The following ELFN1 variants were observed in gnomAD, a reference collection of about 807,000 sequenced individuals.
ELFN1 encodes the protein extracellular leucine rich repeat and fibronectin type III domain containing 1.
Under a neutral mutation model 7.6 loss-of-function variants are expected in ELFN1, and 6 were observed. The observed-to-expected ratio is 0.79, with a 90% CI of 0.43 to 1.56. The LOEUF (loss-of-function observed/expected upper bound fraction) is 1.56, where lower values mean the gene tolerates loss of function less well. Among genes scored for constraint, ELFN1 ranks in the 40% most tolerant of loss-of-function variants. The probability of loss-of-function intolerance (pLI) is 0.01; values close to 1 mark genes in which losing one functional copy is unlikely to be tolerated. For synonymous variants in ELFN1, 657 were observed against 588.1 expected, an observed-to-expected ratio of 1.12 and a Z score of -1.70; for missense variants, 1,169 against 1,232.2, an observed-to-expected ratio of 0.95 and a Z score of 0.77.
intron 2 of ELFN1, among the ~76,000 whole-genome samples, chr7:1,706,867 C>G (rs767123160): frequency 1.3e-5 from 2 of 152,228 alleles, no homozygotes; most frequent in Admixed American, 6.5e-5. Flanking sequence ...CAGGCTGTGC[C>G]CGAGGTGGTG....
intron 3 of ELFN1, among the ~76,000 whole-genome samples, chr7:1,734,092 C>G (rs114151555): frequency 0.027 from 4,115 of 152,296 alleles, 202 homozygotes; most frequent in African/African-American, 0.093. Flanking sequence ...CTGAAAGCAA[C>G]TGGAGAGATT....
intron 3 of ELFN1, among the ~76,000 whole-genome samples, chr7:1,743,967 G>A (rs965580988): frequency 2.0e-5 from 3 of 152,162 alleles, no homozygotes; most frequent in Non-Finnish European, 4.4e-5. Flanking sequence ...TGGGCTTCAG[G>A]GACCTCGATT....
intron 2 of ELFN1, chr7:1,693,289 AG>A (rs1219763158): frequency 2.2e-6 from 1 of 454,132 alleles, no homozygotes; most frequent in African/African-American, 2.0e-5. Context: ...GGCTGGGGAA[AG>A]GAACGCCCAT....
upstream of ELFN1, among the ~76,000 whole-genome samples, chr7:1,669,928 G>A (rs1168487747): frequency 6.8e-6 from 1 of 146,410 alleles, no homozygotes; most frequent in Non-Finnish European, 1.5e-5. Flanking sequence ...GGGACGGACC[G>A]CGAGGACGCC....
intron 1 of ELFN1, among the ~76,000 whole-genome samples, chr7:1,672,972 AG>A (rs1267748256): frequency 1.3e-5 from 2 of 152,112 alleles, no homozygotes; most frequent in Non-Finnish European, 2.9e-5. Context: ...GTGACAGGCG[AG>A]AGATAGATAG....
intron 3 of ELFN1, among the ~76,000 whole-genome samples, chr7:1,725,205 C>T (rs530179218): frequency 2.8e-3 from 430 of 152,368 alleles, no homozygotes; most frequent in African/African-American, 9.9e-3. Context: ...TGGCCCACAG[C>T]AGGGGCCAGG....
chr7:1,742,684 C>G (rs1006817531), intron 3 of ELFN1, among the ~76,000 whole-genome samples: 6 of 152,232 alleles, frequency 3.9e-5, no homozygotes, highest in Admixed American at 3.3e-4. Flanking sequence ...CCTGGCCACT[C>G]CAGGCCAAGC....
chr7:1,677,530 G>C (rs558836449), intron 1 of ELFN1, among the ~76,000 whole-genome samples: 1 of 151,512 alleles, frequency 6.6e-6, no homozygotes, highest in Non-Finnish European at 1.5e-5. Context: ...GTGTAGGTTC[G>C]CGGGTGTGTG....
intron 1 of ELFN1, among the ~76,000 whole-genome samples, chr7:1,685,452 T>C (rs1779046195): frequency 1.3e-5 from 2 of 152,188 alleles, no homozygotes; most frequent in South Asian, 4.1e-4. Flanking sequence ...CATATGCTAG[T>C]GCACTTGATG....
chr7:1,718,721 A>T (rs956756581), intron 3 of ELFN1, among the ~76,000 whole-genome samples: 9 of 151,946 alleles, frequency 5.9e-5, no homozygotes, highest in Non-Finnish European at 1.3e-4. Context: ...CCTCGGTCAC[A>T]CTCAAGTTAA....
At chr7:1,688,490 G>A (rs1779098501) in intron 2 of ELFN1, among the ~76,000 whole-genome samples, 1 of 152,058 alleles carries the variant, frequency 6.6e-6, no homozygotes, top group Non-Finnish European at 1.5e-5. Context: ...TAATCCACCT[G>A]TAATTTTTTA....
chr7:1,684,732 C>G (rs555583895), intron 1 of ELFN1, among the ~76,000 whole-genome samples: 2 of 152,176 alleles, frequency 1.3e-5, no homozygotes, highest in South Asian at 4.2e-4. Context: ...AAACTTTACT[C>G]CAACATAGCT....
intron 3 of ELFN1, among the ~76,000 whole-genome samples, chr7:1,728,930 A>G (rs561882848): frequency 6.6e-6 from 1 of 152,190 alleles, no homozygotes; most frequent in African/African-American, 2.4e-5. Flanking sequence ...CCATCATCTC[A>G]TGATGGCTAT....
chr7:1,729,278 C>T (rs1775201073), intron 3 of ELFN1, among the ~76,000 whole-genome samples: 1 of 152,236 alleles, frequency 6.6e-6, no homozygotes, highest in African/African-American at 2.4e-5. Context: ...TGGTGTGAGT[C>T]AGTGATCCTC....
chr7:1,710,665 C>G (rs1779630311), intron 3 of ELFN1, among the ~76,000 whole-genome samples: 1 of 152,228 alleles, frequency 6.6e-6, no homozygotes, highest in African/African-American at 2.4e-5. Flanking sequence ...TAGGTCTCCT[C>G]TAACTCACAG....
chr7:1,700,695 CGGTGGTGA>C (rs1779408396), intron 2 of ELFN1, among the ~76,000 whole-genome samples: 1 of 152,214 alleles, frequency 6.6e-6, no homozygotes, highest in African/African-American at 2.4e-5. Flanking sequence ...TTTCCCAAAG[CGGTGGTGA>C]GGCTTTGCAC....
intron 3 of ELFN1, among the ~76,000 whole-genome samples, chr7:1,720,964 T>G (rs1202398302): frequency 6.6e-6 from 1 of 152,180 alleles, no homozygotes; most frequent in African/African-American, 2.4e-5. Flanking sequence ...CCTTGCACTC[T>G]CTCTGTGCCT....
intron 3 of ELFN1, among the ~76,000 whole-genome samples, chr7:1,725,296 C>T (rs982504260): frequency 1.3e-5 from 2 of 152,358 alleles, no homozygotes; most frequent in African/African-American, 4.8e-5. Flanking sequence ...ATCCCGCCCA[C>T]AGCTGGTGCT....
At chr7:1,677,532 G>A (rs1778894417) in intron 1 of ELFN1, among the ~76,000 whole-genome samples, 1 of 152,096 alleles carries the variant, frequency 6.6e-6, no homozygotes. Context: ...GTAGGTTCGC[G>A]GGTGTGTGCA....
Sources: allele counts gnomAD v4.1 joint callset (sites outside exome capture counted in the v4.1 genomes callset), GRCh38; gene constraint gnomAD v4.1.1; transcripts MANE v1.5; gene names NCBI Gene and HGNC (gene_info 2026-07-23, HGNC 2026-07-21).